The following SLC9A7 variants were observed in gnomAD, a reference collection of about 807,000 sequenced individuals.
SLC9A7 encodes sodium/hydrogen exchanger 7.
SLC9A7 carries 19 observed loss-of-function variants against 52.6 expected under a neutral mutation model. That is an observed-to-expected ratio of 0.36 (90% CI 0.25 to 0.53). The LOEUF (loss-of-function observed/expected upper bound fraction) is 0.53, where lower values mean the gene tolerates loss of function less well. SLC9A7 is among the 20% of genes least tolerant of loss of function. The pLI is 0.91. For synonymous variants in SLC9A7, 226 were observed against 252.1 expected (o/e 0.90, Z 0.98); for missense variants, 455 against 597.9 (o/e 0.76, Z 2.49).
chrX:46,619,681 G>A (rs920235278), intron 15 of SLC9A7, among the ~76,000 whole-genome samples: 1 of 110,673 alleles, frequency 9.0e-6, no homozygotes, highest in African/African-American at 3.3e-5. Flanking sequence ...TTTGGGGAGG[G>A]GGAAGGGGTA....
intron 1 of SLC9A7, among the ~76,000 whole-genome samples, chrX:46,691,182 G>A (rs1341958668): frequency 8.9e-6 from 1 of 111,862 alleles, no homozygotes; most frequent in African/African-American, 3.3e-5. Flanking sequence ...GCTGTGTTTT[G>A]GGAAGAAGAT....
At position 46,690,155 on chromosome X, in the gene SLC9A7, C is replaced by T. The variant is rs759827020; in HGVS notation, c.326-7620G>A. Among the ~76,000 whole-genome samples the T allele has an allele frequency of 9.1e-4, 102 of 111,903 alleles. 2 individuals are homozygous for T. The highest frequency in any genetic ancestry group is 2.8e-4 in the Admixed American group (3 of 10,589). ...ACAATAGCAAAGACTTGGAACCAAC[C>T]CAAATGCCCAACTATACCATTTTTT... On this transcript the variant is annotated intron_variant, in intron 1 of 16. Coordinates refer to ENST00000616978, the MANE Select transcript of SLC9A7 (RefSeq NM_001257291.2).
At chrX:46,630,085 G>A (rs958006362) in intron 14 of SLC9A7, among the ~76,000 whole-genome samples, 1 of 111,472 alleles carries the variant, frequency 9.0e-6, no homozygotes, top group African/African-American at 3.3e-5. Flanking sequence ...GAACTTTCCA[G>A]GTCATGGCTT....
At chrX:46,677,668 T>C in intron 3 of SLC9A7, among the ~76,000 whole-genome samples, 1 of 112,305 alleles carries the variant, frequency 8.9e-6, no homozygotes. Context: ...TGTTTAAAAA[T>C]CATCTGAAAA....
chrX:46,753,717 C>T (rs1207900793), intron 1 of SLC9A7, among the ~76,000 whole-genome samples: 2 of 111,739 alleles, frequency 1.8e-5, no homozygotes, highest in African/African-American at 6.5e-5. Flanking sequence ...GGCACGGTGG[C>T]TCATGCCTGT....
chrX:46,665,144 C>T (rs552736177), intron 5 of SLC9A7, among the ~76,000 whole-genome samples: 1 of 110,419 alleles, frequency 9.1e-6, no homozygotes. Context: ...AGAGATGAAA[C>T]AAACTGCCCT....
intron 1 of SLC9A7, among the ~76,000 whole-genome samples, chrX:46,723,740 T>C (rs192318591): frequency 8.9e-6 from 1 of 112,222 alleles, no homozygotes; most frequent in Non-Finnish European, 1.9e-5. Context: ...AAACTGCCCA[T>C]TGATGTCACC....
At chrX:46,615,419 C>T (rs944280888) in intron 15 of SLC9A7, among the ~76,000 whole-genome samples, 17 of 111,046 alleles carry the variant, frequency 1.5e-4, no homozygotes, top group African/African-American at 4.6e-4. Context: ...AGACCAGGCG[C>T]TCCTCCAATT....
At chrX:46,677,135 G>T (rs1478294913) in intron 3 of SLC9A7, among the ~76,000 whole-genome samples, 1 of 111,922 alleles carries the variant, frequency 8.9e-6, no homozygotes, top group Non-Finnish European at 1.9e-5. Context: ...ATGCAGTAAG[G>T]AGGGGTCACT....
In SLC9A7 at chrX:46,687,569, C is replaced by T. The variant is rs766538585; in HGVS notation, c.326-5034G>A. Among the ~76,000 whole-genome samples the T allele has an allele frequency of 3.6e-5, 4 of 111,641 alleles. No individual in the cohort carries two copies. The South Asian group carries it at 1.5e-3, about 42-fold the overall frequency. ...GATTTTGAGAGTGAATATTACAGCC[C>T]TTTCAATACCTTGTTCTACTTGTTC... On this transcript the variant is annotated intron_variant, in intron 1 of 16. Coordinates refer to ENST00000616978, the MANE Select transcript of SLC9A7 (RefSeq NM_001257291.2).
At chrX:46,613,213 G>C (rs924451121) in intron 16 of SLC9A7, 76 bp downstream of exon 16, 60 of 711,723 alleles carry the variant, frequency 8.4e-5, no homozygotes, top group Non-Finnish European at 1.2e-4. Flanking sequence ...GCATGAGTAT[G>C]ATGGTTTCTT....
chrX:46,738,075 GAA>G (rs1217577130), intron 1 of SLC9A7, among the ~76,000 whole-genome samples: 1 of 71,666 alleles, frequency 1.4e-5, no homozygotes, highest in African/African-American at 4.0e-5. Context: ...AAGAAAGAAA[GAA>G]AGAAAGAAAG....
chrX:46,612,350 C>T (rs1465764855), intron 16 of SLC9A7, among the ~76,000 whole-genome samples: 2 of 111,478 alleles, frequency 1.8e-5, no homozygotes, highest in African/African-American at 6.5e-5. Context: ...GGGTAGCTAC[C>T]TTGCTCTCTC....
At position 46,641,963 on chromosome X, in the gene SLC9A7, T is replaced by C. The variant is rs373624233; in HGVS notation, c.1616+1273A>G. On this transcript the variant is annotated intron_variant, in intron 12 of 16. Transcript: ENST00000616978. ...GCAACGTAAGTGTTACTTATTATTA[T>C]GACTAACACTGATAAACCCCATATT... Among the ~76,000 whole-genome samples the C allele has an allele frequency of 4.4e-5, 5 of 112,468 alleles. No homozygotes were observed. The East Asian group carries it at 8.3e-4, about 19-fold the overall frequency.
chrX:46,758,639 G>C (rs1922863100), intron 1 of SLC9A7, 66 bp downstream of exon 1: 1 of 743,066 alleles, frequency 1.3e-6, no homozygotes, highest in African/African-American at 2.2e-5. Context: ...GGAGCACCGC[G>C]CGGCGCCAGG....
At chrX:46,618,551 A>T (rs1296847919) in intron 15 of SLC9A7, among the ~76,000 whole-genome samples, 5 of 112,120 alleles carry the variant, frequency 4.5e-5, no homozygotes, top group Admixed American at 9.4e-5. Context: ...TGGCTTCATG[A>T]CTTTGGGGTA....
intron 4 of SLC9A7, 42 bp from the exon 5 acceptor site, chrX:46,669,761 A>T (rs1391680689): frequency 1.4e-6 from 1 of 710,876 alleles, no homozygotes; most frequent in East Asian, 3.5e-5. Flanking sequence ...GAAAAAAATA[A>T]GTAACTTAGC....
chrX:46,620,295 A>C (rs902265808), intron 15 of SLC9A7, among the ~76,000 whole-genome samples: 3 of 108,688 alleles, frequency 2.8e-5, no homozygotes, highest in Non-Finnish European at 5.8e-5. Flanking sequence ...GGTGGCATGC[A>C]CCTGTGGTCC....
chrX:46,714,722 A>G lies in SLC9A7; in HGVS notation c.326-32187T>C, dbSNP rs187083543. Among the ~76,000 whole-genome samples, 178 of 112,191 alleles carry G rather than the reference A, an allele frequency of 1.6e-3. 1 individual carries two copies. In the South Asian group the frequency reaches 0.041, roughly 26 times the overall value. On this transcript the variant is annotated intron_variant, in intron 1 of 16. Transcript: ENST00000616978. ...AATTCCTGCTTTTCTGGACTTCGTT[A>G]TATTTCTAATAAGGGAAGAAACATA...
Sources: gnomAD v4.1 joint callset for allele counts (sites outside exome capture counted in the v4.1 genomes callset) on GRCh38, gnomAD v4.1.1 for gene constraint, MANE v1.5 for transcripts, NCBI Gene and HGNC (gene_info 2026-07-23, HGNC 2026-07-21) for gene names.